FOXN1: variants seen among roughly 807,000 people sequenced by gnomAD.
FOXN1 encodes the protein forkhead box protein N1.
FOXN1 carries 15 observed loss-of-function variants against 49.0 expected under a neutral mutation model. The observed-to-expected ratio is 0.31, with a 90% confidence interval of 0.20 to 0.47. FOXN1 has a LOEUF of 0.47. FOXN1 is among the 20% of genes least tolerant of loss of function. The probability of loss-of-function intolerance (pLI) is 1.00; values close to 1 mark genes in which losing one functional copy is unlikely to be tolerated. For synonymous variants in FOXN1, 356 were observed against 369.0 expected (o/e 0.96, Z 0.40); for missense variants, 800 against 842.8 (o/e 0.95, Z 0.63).
chr17:28,518,464 C>G (rs1302476183), intron 1 of FOXN1, among the ~76,000 whole-genome samples: 1 of 152,142 alleles, frequency 6.6e-6, no homozygotes, highest in Admixed American at 6.5e-5. Context: ...ATGGGTAGAG[C>G]GGGCGCAGGC....
At chr17:28,514,647 G>A (rs557874603) in intron 1 of FOXN1, among the ~76,000 whole-genome samples, 20 of 152,182 alleles carry the variant, frequency 1.3e-4, no homozygotes, top group Admixed American at 4.6e-4. Context: ...CCGGCCGGCC[G>A]AGCCCCACCC....
At chr17:28,528,594 G>C (rs867019384) in intron 4 of FOXN1, among the ~76,000 whole-genome samples, 3 of 152,074 alleles carry the variant, frequency 2.0e-5, no homozygotes, top group Non-Finnish European at 2.9e-5. Context: ...CCGTGGCACC[G>C]CAGCCACTCC....
intron 1 of FOXN1, among the ~76,000 whole-genome samples, chr17:28,515,561 C>G (rs1476931046): frequency 6.6e-6 from 1 of 151,460 alleles, no homozygotes; most frequent in Non-Finnish European, 1.5e-5. Context: ...CATGCTTCTA[C>G]AGGGTACACA....
intron 1 of FOXN1, 99 bp from the exon 2 acceptor site, chr17:28,523,857 G>C: frequency 9.6e-7 from 1 of 1,039,518 alleles, no homozygotes; most frequent in East Asian, 2.4e-5. Flanking sequence ...TGGAGGCAGG[G>C]TCCCAGCCCA....
chr17:28,516,795 T>C (rs1342649289), intron 1 of FOXN1, among the ~76,000 whole-genome samples: 1,539 of 22,738 alleles, frequency 0.068, no homozygotes, highest in Middle Eastern at 0.14. Flanking sequence ...AGGGTACACA[T>C]CTCCACAGGG....
intron 6 of FOXN1, among the ~76,000 whole-genome samples, chr17:28,531,200 C>T (rs367874594): frequency 1.6e-4 from 25 of 152,196 alleles, no homozygotes; most frequent in African/African-American, 2.9e-4. Flanking sequence ...ATTGCTACCC[C>T]GACCGCTGGG....
chr17:28,508,131 T>C (rs1313010757), intron 1 of FOXN1, among the ~76,000 whole-genome samples: 3 of 152,126 alleles, frequency 2.0e-5, no homozygotes, highest in Non-Finnish European at 1.5e-5. Flanking sequence ...CAGAAACCTG[T>C]TCTCCCGGGA....
At chr17:28,509,241 T>C (rs2069334588) in intron 1 of FOXN1, among the ~76,000 whole-genome samples, 1 of 151,754 alleles carries the variant, frequency 6.6e-6, no homozygotes, top group South Asian at 2.1e-4. Flanking sequence ...CCCTGACCCT[T>C]CCACCCGTCT....
Position 28,535,056 on chromosome 17 carries a change from C to T in FOXN1, c.1485C>T (p.Ala495=). ...CCCCCCAGGACTCGCCTCTGCCTGC[C>T]CACACCCCACCCAGCCACAGTGCCA... The part of the protein sequence containing the change: ...PGTPQDSPLP[A]HTPPSHSAKL... Residue 495 remains alanine (A), a synonymous_variant, in exon 8 of 9, where the codon GCC becomes GCT. Transcript: ENST00000579795. 6.2e-7 allele frequency: 1 copy of T among 1,610,900 alleles called. No homozygotes were observed. The highest frequency in any genetic ancestry group is 8.5e-7 in the Non-Finnish European group (1 of 1,177,824).
intron 8 of FOXN1, 52 bp downstream of exon 8, chr17:28,535,250 T>C: frequency 6.3e-7 from 1 of 1,587,410 alleles, no homozygotes; most frequent in Non-Finnish European, 8.6e-7. Context: ...GAGGAGCACC[T>C]GGCAGTGGGA....
intron 6 of FOXN1, among the ~76,000 whole-genome samples, chr17:28,533,378 A>G (rs147854426): frequency 0.014 from 2,149 of 152,094 alleles, 28 homozygotes; most frequent in Non-Finnish European, 0.017. Context: ...ACCGCCTCTC[A>G]CCCAACTGAG....
chr17:28,508,060 C>T (rs2069303344), intron 1 of FOXN1, among the ~76,000 whole-genome samples: 1 of 152,172 alleles, frequency 6.6e-6, no homozygotes, highest in South Asian at 2.1e-4. Flanking sequence ...CAGCTCCCGG[C>T]TCCAGGGCCT....
chr17:28,517,174 C>A (rs147344720), intron 1 of FOXN1, among the ~76,000 whole-genome samples: 1,891 of 135,552 alleles, frequency 0.014, 120 homozygotes, highest in African/African-American at 0.05. Context: ...CACACCTCCA[C>A]AGGGTACACA....
At chr17:28,518,134 G>A (rs1204999332) in intron 1 of FOXN1, among the ~76,000 whole-genome samples, 1 of 151,640 alleles carries the variant, frequency 6.6e-6, no homozygotes, top group Non-Finnish European at 1.5e-5. Flanking sequence ...ACCTCCATAG[G>A]GTACACACCT....
chr17:28,534,595 A>C lies in FOXN1; in HGVS notation c.1135+57A>C. 2 of 1,593,916 alleles carry C rather than the reference A, an allele frequency of 1.3e-6. No homozygotes were observed. On this transcript the variant is annotated intron_variant, in intron 7 of 8. Transcript: ENST00000579795. This position sits in a 1 kb window ranked among gnomAD's most constrained non-coding sequence, Gnocchi z 4.1. Reference sequence around the variant, plus strand: ...CCAGGGTACTCATGAGCCAAAAAAAAAAAAAAGAGAGAATCAGAGAATGAG... The same window carrying C: ...CCAGGGTACTCATGAGCCAAAAAAACAAAAAAGAGAGAATCAGAGAATGAG...
At chr17:28,526,801 C>T (rs920100663) in intron 3 of FOXN1, among the ~76,000 whole-genome samples, 1 of 152,212 alleles carries the variant, frequency 6.6e-6, no homozygotes, top group African/African-American at 2.4e-5. Context: ...TGTCTGGCCA[C>T]TACCCATGCT....
chr17:28,521,638 G>C (rs947442918), intron 1 of FOXN1, among the ~76,000 whole-genome samples: 34 of 152,372 alleles, frequency 2.2e-4, no homozygotes, highest in African/African-American at 8.2e-4. Flanking sequence ...ATCAAGAAGG[G>C]GTGGTGGGGA....
At chr17:28,524,160 A>G (rs1418056464) in intron 2 of FOXN1, 68 bp downstream of exon 2, 1 of 1,501,788 alleles carries the variant, frequency 6.7e-7, no homozygotes, top group Non-Finnish European at 9.0e-7. Context: ...CAAGAAGACC[A>G]GTCACCTTAC....
chr17:28,524,436 G>A (rs2069715306), intron 2 of FOXN1, 67 bp from the exon 3 acceptor site: 2 of 1,370,104 alleles, frequency 1.5e-6, no homozygotes, highest in Non-Finnish European at 2.1e-6. Context: ...AACAGAGTAG[G>A]GTCCCAGCCA....
Sources: gnomAD v4.1 joint callset for allele counts (sites outside exome capture counted in the v4.1 genomes callset) on GRCh38, gnomAD v4.1.1 for gene constraint, Gnocchi (gnomAD v3.1) non-coding constraint, MANE v1.5 for transcripts, NCBI Gene and HGNC (gene_info 2026-07-23, HGNC 2026-07-21) for gene names.